LOXHD1: variants seen among roughly 807,000 people sequenced by gnomAD.
LOXHD1 encodes the protein lipoxygenase homology domain-containing protein 1.
In LOXHD1, 205 loss-of-function variants were observed where a neutral mutation model predicts 248.2. The observed-to-expected ratio is 0.83, with a 90% confidence interval of 0.74 to 0.93. The LOEUF (loss-of-function observed/expected upper bound fraction) is 0.93, where lower values mean the gene tolerates loss of function less well. Ranked by LOEUF, LOXHD1 falls within the 40% of genes least tolerant of loss-of-function variation. LOXHD1 has a pLI of 0.00. For synonymous variants in LOXHD1, 1,113 were observed against 1,162.8 expected, an observed-to-expected ratio of 0.96 and a Z score of 0.87; for missense variants, 2,930 against 2,971.6, an observed-to-expected ratio of 0.99 and a Z score of 0.33.
At chr18:46,621,457 C>T (rs16939809) in intron 4 of LOXHD1, among the ~76,000 whole-genome samples, 4,130 of 152,272 alleles carry the variant, frequency 0.027, 179 homozygotes, top group African/African-American at 0.082. Context: ...GTGCATCTGC[C>T]GATGAGAGAA....
intron 6 of LOXHD1, among the ~76,000 whole-genome samples, chr18:46,607,176 A>G (rs1474178657): frequency 3.3e-5 from 5 of 152,064 alleles, no homozygotes; most frequent in Admixed American, 3.3e-4. Context: ...CTCAAAAAAA[A>G]AAAAATTATA....
intron 34 of LOXHD1, among the ~76,000 whole-genome samples, chr18:46,515,848 C>T (rs1315304593): frequency 6.6e-6 from 1 of 152,240 alleles, no homozygotes; most frequent in Non-Finnish European, 1.5e-5. Flanking sequence ...ATGGTCAGGA[C>T]TTGGGCAATG....
chr18:46,625,360 C>G (rs1050991097), intron 4 of LOXHD1, among the ~76,000 whole-genome samples: 2 of 152,140 alleles, frequency 1.3e-5, no homozygotes. Context: ...AAAAGTTGCT[C>G]ATGGGCAGAA....
chr18:46,545,049 T>C (rs1026832838), intron 23 of LOXHD1: 16 of 494,930 alleles, frequency 3.2e-5, no homozygotes, highest in African/African-American at 7.8e-5. Context: ...CTGAATTTCA[T>C]TGAAAGTTGG....
At chr18:46,588,081 A>G (rs2038095474) in intron 12 of LOXHD1, among the ~76,000 whole-genome samples, 1 of 152,124 alleles carries the variant, frequency 6.6e-6, no homozygotes, top group South Asian at 2.1e-4. Flanking sequence ...TACACATTAT[A>G]CATTTCACAC....
chr18:46,501,775 C>G (rs915086497), intron 37 of LOXHD1, among the ~76,000 whole-genome samples: 1 of 152,158 alleles, frequency 6.6e-6, no homozygotes, highest in Non-Finnish European at 1.5e-5. Context: ...TGAGAGCCAG[C>G]TGTAATTGAT....
At chr18:46,588,631 T>C (rs2038106783) in intron 12 of LOXHD1, among the ~76,000 whole-genome samples, 1 of 152,232 alleles carries the variant, frequency 6.6e-6, no homozygotes, top group African/African-American at 2.4e-5. Flanking sequence ...CCCAACTTTC[T>C]GGACAGGAAG....
Position 46,617,857 on chromosome 18 carries a change from C to T in LOXHD1, c.610+335G>A, listed in dbSNP as rs16939790. On this transcript the variant is annotated intron_variant, in intron 5 of 40. Transcript: ENST00000642948. ...ATCCCAAAGTATAATTCAAGATGGG[C>T]ATGAAGCTTAGGAAGATAGAGTAAG... is the stretch of plus-strand genomic sequence containing the variant. 5.4e-3 allele frequency among the ~76,000 whole-genome samples: 816 copies of T among 152,300 alleles called. 9 individuals are homozygous for T. Among genetic ancestry groups the T allele is most frequent in the African/African-American group, 0.018 (728 of 41,554 alleles).
At chr18:46,499,568 A>G (rs1598853434) in intron 37 of LOXHD1, among the ~76,000 whole-genome samples, 1 of 152,348 alleles carries the variant, frequency 6.6e-6, no homozygotes, top group African/African-American at 2.4e-5. Context: ...GTGTCAGAAT[A>G]GTCAGGAATA....
intron 22 of LOXHD1, among the ~76,000 whole-genome samples, chr18:46,545,632 T>TTTTTTTC (rs2036776499): frequency 1.8e-5 from 1 of 56,388 alleles, no homozygotes; most frequent in Non-Finnish European, 5.1e-5. Context: ...CATTTCTTTT[T>TTTTTTTC]TTTTTTTTTT....
chr18:46,478,753 C>T (rs931415850), intron 40 of LOXHD1, among the ~76,000 whole-genome samples: 14 of 152,112 alleles, frequency 9.2e-5, no homozygotes, highest in African/African-American at 2.9e-4. Context: ...ACTGCAATGG[C>T]GCGATCATAG....
At chr18:46,582,508 T>C (rs1008207612) in intron 12 of LOXHD1, among the ~76,000 whole-genome samples, 5 of 151,990 alleles carry the variant, frequency 3.3e-5, no homozygotes, top group Non-Finnish European at 5.9e-5. Flanking sequence ...TAAAAATGTA[T>C]AAGACATATA....
chr18:46,555,142 G>A (rs1356767055), intron 21 of LOXHD1: 5 of 470,932 alleles, frequency 1.1e-5, no homozygotes, highest in Admixed American at 7.0e-5. Context: ...GAGCTGCAAG[G>A]GGAAGCTGGG....
intron 7 of LOXHD1, among the ~76,000 whole-genome samples, chr18:46,603,656 T>A (rs908988893): frequency 1.7e-4 from 26 of 152,212 alleles, no homozygotes; most frequent in African/African-American, 5.5e-4. Context: ...GCTCTTCCAT[T>A]GCCTCAGTTT....
At chr18:46,536,143 C>T (rs1047437810) in intron 26 of LOXHD1, among the ~76,000 whole-genome samples, 8 of 152,194 alleles carry the variant, frequency 5.3e-5, no homozygotes, top group Admixed American at 2.0e-4. Context: ...ATACTAACTA[C>T]GTCTTGGAAA....
At chr18:46,533,933 C>T (rs2036191667) in intron 27 of LOXHD1, among the ~76,000 whole-genome samples, 1 of 152,140 alleles carries the variant, frequency 6.6e-6, no homozygotes, top group Non-Finnish European at 1.5e-5. Context: ...TAAAATTGCT[C>T]CCTCTTCATT....
Position 46,483,631 on chromosome 18 carries a change from C to A in LOXHD1, c.6297G>T (p.Trp2099Cys). The change falls in exon 40 of 41, where the codon TGG (tryptophan) becomes TGT (cysteine). Residue 2099 changes from tryptophan (W) to cysteine (C), a missense_variant. Trp to Cys is a radical substitution (Grantham distance 215). Transcript: ENST00000642948. ...CGGTGATGGTGATGGTCTTGACATG[C>A]CAGGCAAGTTCTCTCTTGGGGATAA... Reference protein sequence around the residue: ...DRFIPKRELAWHVKTITITEM... With the variant: ...DRFIPKRELACHVKTITITEM... 2 of 1,551,600 alleles carry A rather than the reference C, an allele frequency of 1.3e-6. No individual in the cohort carries two copies. The highest frequency in any genetic ancestry group is 2.4e-5 in the South Asian group (2 of 84,034).
chr18:46,540,657 T>C (rs1460024418), intron 25 of LOXHD1, among the ~76,000 whole-genome samples: 1 of 96,474 alleles, frequency 1.0e-5, no homozygotes, highest in Middle Eastern at 6.9e-3. Flanking sequence ...TCTTTATCTT[T>C]TTTTTTTTTT....
At chr18:46,635,289 G>A (rs1038372766) in intron 4 of LOXHD1, among the ~76,000 whole-genome samples, 1 of 152,146 alleles carries the variant, frequency 6.6e-6, no homozygotes, top group South Asian at 2.1e-4. Flanking sequence ...ACTGATGGGG[G>A]TTATGTAGAA....
Sources: gnomAD v4.1 joint callset for allele counts (sites outside exome capture counted in the v4.1 genomes callset) on GRCh38, gnomAD v4.1.1 for gene constraint, MANE v1.5 for transcripts, NCBI Gene and HGNC (gene_info 2026-07-23, HGNC 2026-07-21) for gene names.